The following HYDIN variants were observed in gnomAD, a reference collection of about 807,000 sequenced individuals.
HYDIN encodes axonemal central pair apparatus protein HYDIN.
Under a neutral mutation model 403.9 loss-of-function variants are expected in HYDIN, and 132 were observed. The observed-to-expected ratio is 0.33, with a 90% confidence interval of 0.28 to 0.38. HYDIN has a LOEUF of 0.38. Among genes scored for constraint, HYDIN ranks in the 10% least tolerant of loss-of-function variants. The probability of loss-of-function intolerance (pLI) is 1.00; values close to 1 mark genes in which losing one functional copy is unlikely to be tolerated. For missense variants in HYDIN, 2,827 were observed against 5,009.5 expected, an observed-to-expected ratio of 0.56 and a Z score of 13.15; for synonymous variants, 1,202 against 1,891.7, an observed-to-expected ratio of 0.64 and a Z score of 9.46.
chr16:70,892,407 G>A lies in HYDIN; in HGVS notation c.9371C>T (p.Ala3124Val). The change falls in exon 56 of 86, where the codon GCA becomes GTA. Residue 3124 changes from alanine (A) to valine (V), a missense_variant. Coordinates refer to ENST00000393567, the MANE Select transcript of HYDIN (RefSeq NM_001270974.2). Reference sequence around the variant, plus strand: ...GTGCTCAATCTTCACTTCCTTTTTTGCATGGAAGAAAACTTGGACATTTGT... The same window carrying A: ...GTGCTCAATCTTCACTTCCTTTTTTACATGGAAGAAAACTTGGACATTTGT... ...KPTNVQVFFH[A>V]KKEVKIEHQP... is the part of the protein sequence containing the mutation. 6.3e-7 allele frequency: 1 copy of A among 1,588,084 alleles called. No individual in the cohort carries two copies.
At chr16:70,826,708 T>TCTCC (rs1491042611) in intron 83 of HYDIN, among the ~76,000 whole-genome samples, 2 of 21,898 alleles carry the variant, frequency 9.1e-5, no homozygotes, top group Non-Finnish European at 1.5e-4. Flanking sequence ...TGCCAGCATC[T>TCTCC]CTCTCTCTCT....
In HYDIN at chr16:70,978,897, G is replaced by A. The variant is rs1448843167; in HGVS notation, c.4638+17C>T. ...CCCTCCTGCACAGGCGTCCCGTGCA[G>A]GCTGGAGCTGTCTTACCTCAGCAGG... On this transcript the variant is annotated intron_variant, in intron 30 of 85. Coordinates refer to ENST00000393567, the MANE Select transcript of HYDIN (RefSeq NM_001270974.2). 1 of 1,611,644 alleles carries A rather than the reference G, an allele frequency of 6.2e-7. No homozygotes were observed.
At chr16:70,859,263 T>C (rs1427506841) in intron 71 of HYDIN, among the ~76,000 whole-genome samples, 7 of 152,012 alleles carry the variant, frequency 4.6e-5, no homozygotes, top group Non-Finnish European at 1.0e-4. Flanking sequence ...ATCGCGCCAC[T>C]GCACTCCAGC....
At chr16:71,101,731 C>A (rs892156669) in intron 10 of HYDIN, among the ~76,000 whole-genome samples, 7 of 152,156 alleles carry the variant, frequency 4.6e-5, no homozygotes, top group African/African-American at 1.7e-4. Flanking sequence ...GTTATAGGCA[C>A]ATCTCCTGCA....
At chr16:70,962,987 T>C (rs2078464802) in intron 37 of HYDIN, among the ~76,000 whole-genome samples, 2 of 151,958 alleles carry the variant, frequency 1.3e-5, no homozygotes, top group Non-Finnish European at 1.5e-5. Flanking sequence ...TAGATCACCT[T>C]CCATTGGGCC....
chr16:71,137,970 T>C (rs1274537355), intron 7 of HYDIN, among the ~76,000 whole-genome samples: 1 of 151,352 alleles, frequency 6.6e-6, no homozygotes, highest in Non-Finnish European at 1.5e-5. Context: ...GTCTGGATAG[T>C]GGCCACATAA....
intron 1 of HYDIN, among the ~76,000 whole-genome samples, chr16:71,193,692 T>C (rs2087548375): frequency 6.6e-6 from 1 of 152,210 alleles, no homozygotes. Flanking sequence ...TCATAATGTA[T>C]ATTATTAAAT....
At chr16:71,217,605 C>A (rs981152708) in intron 1 of HYDIN, among the ~76,000 whole-genome samples, 1 of 152,118 alleles carries the variant, frequency 6.6e-6, no homozygotes, top group African/African-American at 2.4e-5. Flanking sequence ...AGAAGTTGAA[C>A]CTGACCTATG....
In HYDIN at chr16:70,884,047, G is replaced by T; in HGVS notation, c.9852C>A (p.Asn3284Lys). The change falls in exon 59 of 86, where the codon AAC becomes AAA. Residue 3284 changes from asparagine to lysine, a missense_variant. Asn to Lys is a moderately conservative substitution (Grantham distance 94, BLOSUM62 0). Coordinates refer to ENST00000393567, the MANE Select transcript of HYDIN (RefSeq NM_001270974.2). ...CCATGGCGTCAGCCACACAGTCAAC[G>T]TTGATGACCTGCTGTCCTCCGGAAG... ...SIPSGGQQVI[N>K]VDCVADAMGK... is the part of the protein sequence containing the mutation. 1 of 1,614,004 alleles carries T rather than the reference G, an allele frequency of 6.2e-7. No homozygotes were observed. The highest frequency in any genetic ancestry group is 8.5e-7 in the Non-Finnish European group (1 of 1,179,988).
chr16:70,930,496 G>A (rs1597350492), intron 45 of HYDIN, among the ~76,000 whole-genome samples: 2 of 151,786 alleles, frequency 1.3e-5, no homozygotes, highest in South Asian at 4.2e-4. Context: ...AAAAAAAAAA[G>A]AAAGACCCAC....
chr16:70,861,896 T>C, intron 69 of HYDIN, 152 bp downstream of exon 69: 1 of 659,882 alleles, frequency 1.5e-6, no homozygotes, highest in Admixed American at 3.7e-5. Context: ...GTGGACCCTT[T>C]AGATCCTTCC....
chr16:71,151,659 G>A (rs1159812473), intron 7 of HYDIN, among the ~76,000 whole-genome samples: 1 of 151,304 alleles, frequency 6.6e-6, no homozygotes, highest in African/African-American at 2.4e-5. Context: ...TCCCTACAAC[G>A]CCCTTCTGCA....
chr16:70,923,675 G>A (rs1435718470), intron 45 of HYDIN, among the ~76,000 whole-genome samples: 1 of 136,980 alleles, frequency 7.3e-6, no homozygotes, highest in Non-Finnish European at 1.5e-5. Context: ...AAAAAAATTA[G>A]CTGGGTGTGG....
At chr16:70,888,146 T>A (rs1176952857) in intron 58 of HYDIN, among the ~76,000 whole-genome samples, 1 of 152,290 alleles carries the variant, frequency 6.6e-6, no homozygotes. Context: ...CCAAGCATGC[T>A]TATAATTGCT....
intron 2 of HYDIN, among the ~76,000 whole-genome samples, chr16:71,185,707 GATTA>G (rs1273607164): frequency 6.6e-6 from 1 of 152,070 alleles, no homozygotes; most frequent in East Asian, 1.9e-4. Flanking sequence ...CCCAACAAGG[GATTA>G]GTTACCCAGA....
chr16:70,891,772 TTGA>T lies in HYDIN; in HGVS notation c.9527_9529del (p.Ile3176del). Reference sequence around the variant, plus strand: ...AGTGCCACAGATCAAAGCTCCAAAGTTGATGACAGAGGAGGGGGTGATGTTGTA... The same window carrying T: ...AGTGCCACAGATCAAAGCTCCAAAGTTGACAGAGGAGGGGGTGATGTTGTA... On this transcript the variant is annotated inframe_deletion, in exon 57 of 86. Coordinates refer to ENST00000393567, the MANE Select transcript of HYDIN (RefSeq NM_001270974.2). 1 of 399,086 alleles carries T rather than the reference TTGA, an allele frequency of 2.5e-6. No individual in the cohort carries two copies. Among genetic ancestry groups the T allele is most frequent in the Middle Eastern group, 6.0e-4 (1 of 1,672 alleles). 24.7% of individuals were successfully genotyped at this position (399,086 alleles called of 1,614,324 possible).
chr16:70,942,482 G>A (rs2077710375), intron 42 of HYDIN, among the ~76,000 whole-genome samples: 1 of 152,200 alleles, frequency 6.6e-6, no homozygotes, highest in Non-Finnish European at 1.5e-5. Flanking sequence ...AGGCAGCAGG[G>A]GGAGCAGCTG....
At chr16:70,959,927 T>C (rs902195581) in intron 38 of HYDIN, 107 bp from the exon 39 acceptor site, 1 of 577,384 alleles carries the variant, frequency 1.7e-6, no homozygotes, top group African/African-American at 1.9e-5. Context: ...TTTTAAATGC[T>C]GTTTTTTTTA....
At chr16:70,872,371 TATCCATCCATCCATCCATCC>T (rs144467788) in intron 64 of HYDIN, among the ~76,000 whole-genome samples, 192 bp from the exon 65 acceptor site, 2 of 137,018 alleles carry the variant, frequency 1.5e-5, no homozygotes, top group African/African-American at 6.1e-5. Flanking sequence ...TCCATCCATC[TATCCATCCATCCATCCATCC>T]ATCCATCCAT....
Sources: allele counts gnomAD v4.1 joint callset (sites outside exome capture counted in the v4.1 genomes callset), GRCh38; gene constraint gnomAD v4.1.1; transcripts MANE v1.5; gene names NCBI Gene and HGNC (gene_info 2026-07-23, HGNC 2026-07-21).